The following SNX29 variants were observed in gnomAD, a reference collection of about 807,000 sequenced individuals.
The protein encoded by SNX29 is sorting nexin-29.
In SNX29, 78 loss-of-function variants were observed where a neutral mutation model predicts 102.1. The observed-to-expected ratio is 0.76, with a 90% CI of 0.64 to 0.92. The LOEUF is 0.92. Among genes scored for constraint, SNX29 ranks in the 40% least tolerant of loss-of-function variants. SNX29 has a pLI of 0.00. For missense variants in SNX29, 1,280 were observed against 1,061.7 expected (o/e 1.21, Z -2.86); for synonymous variants, 580 against 414.5 (o/e 1.40, Z -4.85).
chr16:12,463,849 TGTGTGA>T lies in SNX29; in HGVS notation c.2038-13868_2038-13863del, dbSNP rs796730796. On this transcript the variant is annotated intron_variant, in intron 18 of 20. Transcript: ENST00000566228. ...GTGTGTGTGTGTGTGTGTGTGTGTG[TGTGTGA>T]GAGATGACACTTAAAGTTGGCTTTC... Among the ~76,000 whole-genome samples the T allele has an allele frequency of 6.4e-3, 919 of 142,664 alleles. 9 individuals carry two copies. Among genetic ancestry groups the T allele is most frequent in the East Asian group, 0.015 (75 of 4,928 alleles). The allele number at this position is 142,664 out of a possible 152,430, so 93.6% of individuals were successfully genotyped here.
At chr16:12,157,843 A>C (rs569070080) in intron 13 of SNX29, among the ~76,000 whole-genome samples, 1 of 152,094 alleles carries the variant, frequency 6.6e-6, no homozygotes, top group Non-Finnish European at 1.5e-5. Flanking sequence ...GGGCCTTTGC[A>C]TGTGCTTGTC....
chr16:12,472,901 A>T (rs976507596), intron 18 of SNX29, among the ~76,000 whole-genome samples: 2 of 152,148 alleles, frequency 1.3e-5, no homozygotes, highest in Admixed American at 1.3e-4. Context: ...CCGATTACAG[A>T]TATTACCCTC....
At chr16:12,551,451 A>G (rs1309611945) in intron 20 of SNX29, among the ~76,000 whole-genome samples, 1 of 152,184 alleles carries the variant, frequency 6.6e-6, no homozygotes, top group East Asian at 1.9e-4. Context: ...GCATGCTTTT[A>G]AAAATACAGA....
intron 20 of SNX29, among the ~76,000 whole-genome samples, chr16:12,547,797 G>A (rs1017096329): frequency 1.1e-4 from 16 of 152,164 alleles, no homozygotes; most frequent in African/African-American, 3.4e-4. Flanking sequence ...AACAGAATGG[G>A]CTCAAGAATG....
chr16:12,524,360 C>T (rs1267794866), intron 19 of SNX29, among the ~76,000 whole-genome samples: 1 of 151,788 alleles, frequency 6.6e-6, no homozygotes, highest in Non-Finnish European at 1.5e-5. Flanking sequence ...CCTGTGAACT[C>T]CACGAAGGCC....
intron 20 of SNX29, among the ~76,000 whole-genome samples, chr16:12,538,779 T>C (rs114460105): frequency 1.3e-5 from 2 of 152,222 alleles, no homozygotes; most frequent in African/African-American, 4.8e-5. Flanking sequence ...GCATGTCACA[T>C]CGCCAAGGGG....
intron 13 of SNX29, among the ~76,000 whole-genome samples, chr16:12,130,355 G>C (rs2054407486): frequency 6.6e-6 from 1 of 150,856 alleles, no homozygotes; most frequent in African/African-American, 2.4e-5. Flanking sequence ...GACGCCTGTA[G>C]TCCCAGCTAC....
At chr16:12,434,069 G>A (rs2085427062) in intron 18 of SNX29, among the ~76,000 whole-genome samples, 1 of 152,150 alleles carries the variant, frequency 6.6e-6, no homozygotes, top group Non-Finnish European at 1.5e-5. Flanking sequence ...CAAGGTTGAT[G>A]GGCAAGTTTA....
At chr16:12,474,180 C>G (rs144844966) in intron 18 of SNX29, among the ~76,000 whole-genome samples, 2,122 of 152,264 alleles carry the variant, frequency 0.014, 31 homozygotes, top group Non-Finnish European at 0.018. Flanking sequence ...TCTGACCTCT[C>G]TGAGCCCATT....
intron 16 of SNX29, among the ~76,000 whole-genome samples, chr16:12,388,782 A>G (rs1171577158): frequency 1.3e-5 from 2 of 152,250 alleles, no homozygotes; most frequent in African/African-American, 4.8e-5. Context: ...CTGGAAATGC[A>G]AAAATGAATG....
intron 6 of SNX29, among the ~76,000 whole-genome samples, chr16:12,047,252 T>TA (rs1445905784): frequency 6.6e-6 from 1 of 152,174 alleles, no homozygotes; most frequent in African/African-American, 2.4e-5. Context: ...GGTGGACTGT[T>TA]ACGTTGTTCG....
At chr16:12,556,746 A>T (rs1174131477) in intron 20 of SNX29, among the ~76,000 whole-genome samples, 1 of 152,146 alleles carries the variant, frequency 6.6e-6, no homozygotes, top group Admixed American at 6.5e-5. Flanking sequence ...AATAAAGAAA[A>T]ATTAAGGCAC....
chr16:12,093,946 T>G (rs1317269813), intron 11 of SNX29: 1 of 152,214 alleles, frequency 6.6e-6, no homozygotes, highest in African/African-American at 2.4e-5. Context: ...AGGTGGTAAT[T>G]GCACATAGTG....
intron 20 of SNX29, among the ~76,000 whole-genome samples, chr16:12,550,700 C>G (rs2856779): frequency 0.32 from 48,286 of 151,970 alleles, 9,214 homozygotes; most frequent in East Asian, 0.73. Context: ...TATTCACCCC[C>G]CTCATGCTCT....
intron 11 of SNX29, 51 bp downstream of exon 11, chr16:12,078,966 A>C: frequency 1.3e-6 from 2 of 1,483,612 alleles, no homozygotes; most frequent in Non-Finnish European, 1.8e-6. Context: ...CTTCTGGCCC[A>C]CGTCTCATGG....
chr16:12,188,878 GA>G (rs2076577052), intron 13 of SNX29, among the ~76,000 whole-genome samples: 1 of 152,182 alleles, frequency 6.6e-6, no homozygotes. Flanking sequence ...TCTTATTAGA[GA>G]AAACTGGAAG....
intron 19 of SNX29, among the ~76,000 whole-genome samples, chr16:12,488,321 T>C (rs2088355323): frequency 6.6e-6 from 1 of 152,024 alleles, no homozygotes; most frequent in South Asian, 2.1e-4. Context: ...CATTGTGGCC[T>C]TCATACCTCC....
Position 12,522,914 on chromosome 16 carries a change from A to G in SNX29, c.2179-1788A>G, listed in dbSNP as rs371428966. 4.6e-5 allele frequency among the ~76,000 whole-genome samples: 7 copies of G among 152,174 alleles called. No individual in the cohort carries two copies. The East Asian group carries it at 1.2e-3, about 25-fold the overall frequency. ...TGCACTCTACCTCTCGGGCTTAAGC[A>G]GTCCTCCTGCTGCAGCCACCCATGT... is the stretch of plus-strand genomic sequence containing the variant. On this transcript the variant is annotated intron_variant, in intron 19 of 20. Transcript: ENST00000566228.
chr16:12,405,129 G>A (rs1248304691), intron 18 of SNX29, among the ~76,000 whole-genome samples: 1 of 152,172 alleles, frequency 6.6e-6, no homozygotes, highest in Non-Finnish European at 1.5e-5. Flanking sequence ...GTTCTGCATT[G>A]TGGTCATCAG....
Sources: gnomAD v4.1 joint callset for allele counts (sites outside exome capture counted in the v4.1 genomes callset) on GRCh38, gnomAD v4.1.1 for gene constraint, MANE v1.5 for transcripts, NCBI Gene and HGNC (gene_info 2026-07-23, HGNC 2026-07-21) for gene names.